IPO11: variants seen among roughly 807,000 people sequenced by gnomAD.
IPO11 encodes importin 11, also known as importin-11.
Under a neutral mutation model 143.2 loss-of-function variants are expected in IPO11, and 66 were observed. The ratio of observed to expected loss-of-function variants is 0.46; its 90% CI spans 0.38 to 0.57. The LOEUF (loss-of-function observed/expected upper bound fraction) is 0.57, where lower values mean the gene tolerates loss of function less well. IPO11 is among the 20% of genes least tolerant of loss of function. IPO11 has a pLI of 0.00. For missense variants in IPO11, 1,026 were observed against 1,141.0 expected (o/e 0.90, Z 1.45); for synonymous variants, 385 against 377.8 (o/e 1.02, Z -0.22).
intron 15 of IPO11, among the ~76,000 whole-genome samples, chr5:62,490,927 A>T (rs1366745957): frequency 6.6e-6 from 1 of 152,152 alleles, no homozygotes; most frequent in Non-Finnish European, 1.5e-5. Context: ...GGCCAGCCCA[A>T]TTCTTACGTT....
intron 1 of IPO11, among the ~76,000 whole-genome samples, chr5:62,425,900 T>C (rs184397526): frequency 6.6e-6 from 1 of 152,362 alleles, no homozygotes; most frequent in Admixed American, 6.5e-5. Flanking sequence ...TTTTAAACTA[T>C]CGTCTTTATA....
At chr5:62,483,041 T>C in intron 9 of IPO11, 60 bp from the exon 10 acceptor site, 1 of 1,053,028 alleles carries the variant, frequency 9.5e-7, no homozygotes, top group East Asian at 2.6e-5. Context: ...GGAGTGATTA[T>C]ATTCCAATAT....
Position 62,601,861 on chromosome 5 carries a change from A to T in IPO11, c.2763+13A>T, listed in dbSNP as rs781670912. On this transcript the variant is annotated intron_variant, in intron 29 of 29. Coordinates refer to ENST00000325324, the MANE Select transcript of IPO11 (RefSeq NM_016338.5). Reference sequence around the variant, plus strand: ...GAGGAAAAAGATGGTAAGTTATAAAAGTAGCTTGTAAAAATTAAGAACCAT... The same window carrying T: ...GAGGAAAAAGATGGTAAGTTATAAATGTAGCTTGTAAAAATTAAGAACCAT... 6.6e-7 allele frequency: 1 copy of T among 1,508,744 alleles called. No homozygotes were observed. Among genetic ancestry groups the T allele is most frequent in the South Asian group, 1.3e-5 (1 of 79,828 alleles). 93.5% of individuals were successfully genotyped at this position (1,508,744 alleles called of 1,614,324 possible). A position where few individuals can be genotyped will look rare whatever the true frequency, so the allele number is the denominator to read the frequency against.
intron 9 of IPO11, among the ~76,000 whole-genome samples, chr5:62,480,139 G>A (rs925519869): frequency 1.3e-5 from 2 of 152,194 alleles, no homozygotes; most frequent in African/African-American, 4.8e-5. Flanking sequence ...AAGGGATCCA[G>A]TTTCAGCTTT....
intron 11 of IPO11, among the ~76,000 whole-genome samples, chr5:62,484,394 G>A (rs776699935): frequency 1.3e-5 from 2 of 152,036 alleles, no homozygotes; most frequent in Non-Finnish European, 2.9e-5. Context: ...GACCTTTTTA[G>A]TTTTTGGATT....
chr5:62,416,492 T>C (rs1743299250), intron 1 of IPO11, among the ~76,000 whole-genome samples: 1 of 152,138 alleles, frequency 6.6e-6, no homozygotes, highest in Non-Finnish European at 1.5e-5. Flanking sequence ...GCTGTTTCTT[T>C]TTCTTATAAT....
chr5:62,457,585 G>T (rs1474549331), intron 5 of IPO11, among the ~76,000 whole-genome samples: 1 of 152,158 alleles, frequency 6.6e-6, no homozygotes, highest in Non-Finnish European at 1.5e-5. Flanking sequence ...ACTTCAGAAG[G>T]TCATCGTGAT....
chr5:62,547,941 C>T (rs1472353157), intron 24 of IPO11, among the ~76,000 whole-genome samples: 1 of 151,940 alleles, frequency 6.6e-6, no homozygotes, highest in Non-Finnish European at 1.5e-5. Context: ...GTCTTTCTGC[C>T]ATTTTTCCTT....
chr5:62,574,004 A>G (rs1744230620), intron 27 of IPO11, among the ~76,000 whole-genome samples: 2 of 152,198 alleles, frequency 1.3e-5, no homozygotes, highest in African/African-American at 2.4e-5. Context: ...GCTAATAAAA[A>G]GTCCCTGGTC....
At chr5:62,444,095 T>G (rs1426559076) in intron 3 of IPO11, among the ~76,000 whole-genome samples, 1 of 147,514 alleles carries the variant, frequency 6.8e-6, no homozygotes, top group Non-Finnish European at 1.5e-5. Context: ...ACATGTCTTT[T>G]TCTTTTTTTT....
chr5:62,581,779 A>G (rs1329159865), intron 27 of IPO11, among the ~76,000 whole-genome samples: 1 of 152,154 alleles, frequency 6.6e-6, no homozygotes, highest in Non-Finnish European at 1.5e-5. Context: ...GTAGAGCTTG[A>G]AATTTAGAGG....
chr5:62,626,448 T>G (rs1040694222), intron 29 of IPO11, among the ~76,000 whole-genome samples: 1 of 152,224 alleles, frequency 6.6e-6, no homozygotes. Flanking sequence ...GTAACACTCT[T>G]GGTTGCAGGA....
chr5:62,507,447 T>A (rs911597520), intron 19 of IPO11, among the ~76,000 whole-genome samples: 2 of 152,200 alleles, frequency 1.3e-5, no homozygotes, highest in Non-Finnish European at 2.9e-5. Context: ...ATTGCAACTG[T>A]TTTAAGAACT....
intron 26 of IPO11, among the ~76,000 whole-genome samples, chr5:62,552,415 G>T (rs982432139): frequency 6.6e-6 from 1 of 151,160 alleles, no homozygotes. Context: ...TAAATAAATA[G>T]GGTATATTTT....
At chr5:62,548,598 C>G (rs1408825551) in intron 24 of IPO11, among the ~76,000 whole-genome samples, 2 of 152,160 alleles carry the variant, frequency 1.3e-5, no homozygotes, top group Non-Finnish European at 2.9e-5. Context: ...TTGAAAATAT[C>G]TAGCACTCTG....
At chr5:62,543,917 T>A (rs921004414) in intron 24 of IPO11, among the ~76,000 whole-genome samples, 3 of 152,196 alleles carry the variant, frequency 2.0e-5, no homozygotes, top group African/African-American at 4.8e-5. Flanking sequence ...AAGAACAGCT[T>A]TATTTCTGCC....
chr5:62,546,447 G>A (rs911373249), intron 24 of IPO11, among the ~76,000 whole-genome samples: 8 of 152,108 alleles, frequency 5.3e-5, no homozygotes, highest in African/African-American at 1.4e-4. Flanking sequence ...GGGGCCTGTC[G>A]TAGGGTTGGG....
intron 15 of IPO11, among the ~76,000 whole-genome samples, chr5:62,491,840 G>T (rs1197248434): frequency 1.3e-5 from 2 of 151,296 alleles, no homozygotes; most frequent in African/African-American, 4.9e-5. Flanking sequence ...TAATTTTTTT[G>T]TATTTTTTTT....
In IPO11 at chr5:62,506,230, T is replaced by C. The variant is rs1429207252; in HGVS notation, c.1666-11T>C. ...ATAAACCTTTTTTATTTTCTTTCTT[T>C]TTACCTGCAGTATTTGGAAACCATG... On this transcript the variant is annotated splice_polypyrimidine_tract_variant and intron_variant, in intron 18 of 29. Coordinates refer to ENST00000325324, the MANE Select transcript of IPO11 (RefSeq NM_016338.5). 1 of 1,468,394 alleles carries C rather than the reference T, an allele frequency of 6.8e-7. No homozygotes were observed. Among genetic ancestry groups the C allele is most frequent in the Middle Eastern group, 2.0e-4 (1 of 5,038 alleles). 91.0% of individuals were successfully genotyped at this position (1,468,394 alleles called of 1,614,324 possible).
Sources: allele counts gnomAD v4.1 joint callset (sites outside exome capture counted in the v4.1 genomes callset), GRCh38; gene constraint gnomAD v4.1.1; transcripts MANE v1.5; gene names NCBI Gene and HGNC (gene_info 2026-07-23, HGNC 2026-07-21).